Variants in PDE3B observed in about 807,000 individuals in gnomAD.
The protein encoded by PDE3B is cGMP-inhibited 3',5'-cyclic phosphodiesterase 3B.
Under a neutral mutation model 116.8 loss-of-function variants are expected in PDE3B, and 66 were observed. The observed-to-expected ratio is 0.56, with a 90% CI of 0.46 to 0.69. PDE3B has a LOEUF of 0.69. Ranked by LOEUF, PDE3B falls within the 30% of genes least tolerant of loss-of-function variation. PDE3B has a pLI of 0.00. For missense variants in PDE3B, 1,384 were observed against 1,368.1 expected, an observed-to-expected ratio of 1.01 and a Z score of -0.18; for synonymous variants, 595 against 533.6, an observed-to-expected ratio of 1.12 and a Z score of -1.59.
In PDE3B at chr11:14,869,610, C is replaced by T. The variant is rs1434701588; in HGVS notation, c.3289C>T (p.Pro1097Ser). ...NKLQVENSSL[P>S]QADEIQVIEE... is the part of the protein sequence containing the mutation. ...ACTGCAGGTGGAGAATTCCTCCTTA[C>T]CTCAAGCAGATGAGATTCAGGTAAT... is the stretch of plus-strand genomic sequence containing the variant. Residue 1097 changes from proline to serine, a missense_variant, in exon 16 of 16, where the codon CCT (proline) becomes TCT (serine). Pro to Ser is a moderately conservative substitution (Grantham distance 74). This residue lies in a region of PDE3B where 428 missense variants were observed against 561.4 expected (regional missense o/e 0.76). Transcript: ENST00000282096. 2.5e-6 allele frequency: 4 copies of T among 1,613,800 alleles called. No homozygotes were observed. The highest frequency in any genetic ancestry group is 1.1e-5 in the South Asian group (1 of 91,044).
chr11:14,781,638 T>C (rs1354627971), intron 2 of PDE3B, among the ~76,000 whole-genome samples: 1 of 152,080 alleles, frequency 6.6e-6, no homozygotes, highest in African/African-American at 2.4e-5. Context: ...TCTCAATAAA[T>C]TAGGTATTGA....
intron 1 of PDE3B, among the ~76,000 whole-genome samples, chr11:14,729,543 A>G (rs895637712): frequency 6.6e-6 from 1 of 152,216 alleles, no homozygotes; most frequent in Admixed American, 6.5e-5. Flanking sequence ...GAAATTAGCT[A>G]CTACAAATAA....
At chr11:14,889,973 C>G in the PDE3B span, among the ~76,000 whole-genome samples, 11 of 151,768 alleles carry the variant, frequency 7.2e-5, no homozygotes, top group African/African-American at 2.4e-4. Flanking sequence ...CTAAAAATTA[C>G]AAAAAATTAG....
chr11:14,738,683 A>G (rs944117806), intron 1 of PDE3B, among the ~76,000 whole-genome samples: 3 of 152,328 alleles, frequency 2.0e-5, no homozygotes, highest in Admixed American at 6.5e-5. Flanking sequence ...GCCCATGCCT[A>G]TGTCCTGAAT....
At chr11:14,725,536 T>C (rs961892906) in intron 1 of PDE3B, among the ~76,000 whole-genome samples, 1 of 49,154 alleles carries the variant, frequency 2.0e-5, no homozygotes, top group Non-Finnish European at 3.8e-5. Context: ...TCCCTTCCCC[T>C]CCCCTCCCCT....
At chr11:14,671,362 T>A (rs984581519) in intron 1 of PDE3B, among the ~76,000 whole-genome samples, 2 of 152,086 alleles carry the variant, frequency 1.3e-5, no homozygotes, top group African/African-American at 4.8e-5. Context: ...GGAAGCACAC[T>A]CTAGGCAGAA....
At chr11:14,892,340 G>C in the PDE3B span, 2 of 817,786 alleles carry the variant, frequency 2.4e-6, no homozygotes, top group Non-Finnish European at 3.9e-6. Flanking sequence ...CTGAGTGAGC[G>C]CTCAGGCCCC....
intron 1 of PDE3B, among the ~76,000 whole-genome samples, chr11:14,692,928 G>T (rs1855087621): frequency 6.6e-6 from 1 of 152,174 alleles, no homozygotes; most frequent in Non-Finnish European, 1.5e-5. Flanking sequence ...CAAAATGCTA[G>T]GCTTCTTGAG....
intron 1 of PDE3B, among the ~76,000 whole-genome samples, chr11:14,715,068 TTGTA>T (rs1042111228): frequency 6.6e-6 from 1 of 152,078 alleles, no homozygotes; most frequent in African/African-American, 2.4e-5. Flanking sequence ...CAAATAAAGA[TTGTA>T]TGTGAATGAT....
intron 12 of PDE3B, among the ~76,000 whole-genome samples, chr11:14,847,035 A>G (rs1240904896): frequency 6.6e-6 from 1 of 152,228 alleles, no homozygotes; most frequent in African/African-American, 2.4e-5. Context: ...AACAGAATAT[A>G]CATTTTTTTC....
chr11:14,804,940 C>CT (rs1423582864), intron 5 of PDE3B, among the ~76,000 whole-genome samples: 1 of 151,964 alleles, frequency 6.6e-6, no homozygotes, highest in Non-Finnish European at 1.5e-5. Context: ...AAGTAGTGAA[C>CT]TTGAAGACAG....
At chr11:14,861,135 A>G (rs1847942114) in intron 13 of PDE3B, 70 bp from the exon 14 acceptor site, 1 of 1,216,920 alleles carries the variant, frequency 8.2e-7, no homozygotes, top group Non-Finnish European at 1.2e-6. Flanking sequence ...ATAATTTGGT[A>G]AAAGCAAACA....
intron 1 of PDE3B, chr11:14,674,684 C>G (rs964729438): frequency 4.8e-6 from 1 of 209,856 alleles, no homozygotes; most frequent in African/African-American, 2.4e-5. Context: ...ATGAGGGTAA[C>G]AACTAATTAA....
In PDE3B at chr11:14,644,175, A is replaced by T. The variant is rs749764889; in HGVS notation, c.100A>T (p.Ser34Cys). ...GAGTCTGAGGAACGGCTACGTGAAGAGCTGCGTGAGCCCCTTGCGGCAGGA... is the reference window on the plus strand; with the variant it reads ...GAGTCTGAGGAACGGCTACGTGAAGTGCTGCGTGAGCCCCTTGCGGCAGGA... ...PESLRNGYVK[S>C]CVSPLRQDPP... Residue 34 changes from serine (S) to cysteine (C), a missense_variant, in exon 1 of 16, where the codon AGC (serine) becomes TGC (cysteine). Around this residue, in one of 2 missense-constraint regions of PDE3B, gnomAD observed 956 missense variants for 806.8 expected, o/e 1.18. Coordinates refer to ENST00000282096, the MANE Select transcript of PDE3B (RefSeq NM_000922.4). 6.3e-7 allele frequency: 1 copy of T among 1,595,766 alleles called. No homozygotes were observed. Among genetic ancestry groups the T allele is most frequent in the Non-Finnish European group, 8.5e-7 (1 of 1,177,634 alleles).
At chr11:14,880,742 C>G in the PDE3B span, 2 of 1,608,504 alleles carry the variant, frequency 1.2e-6, no homozygotes, top group South Asian at 2.2e-5. Flanking sequence ...TCAACCCATC[C>G]TCGGCCATAT....
intron 2 of PDE3B, chr11:14,772,621 T>A (rs1456763394): frequency 6.6e-6 from 1 of 151,996 alleles, no homozygotes; most frequent in Non-Finnish European, 1.5e-5. Flanking sequence ...TAACTAGTTT[T>A]GCTAATTTTT....
At chr11:14,824,287 G>A (rs1294049926) in intron 7 of PDE3B, among the ~76,000 whole-genome samples, 1 of 152,192 alleles carries the variant, frequency 6.6e-6, no homozygotes, top group Non-Finnish European at 1.5e-5. Context: ...TTCTTAACCA[G>A]GCTGAGCTGG....
intron 1 of PDE3B, among the ~76,000 whole-genome samples, chr11:14,659,711 C>G (rs947247479): frequency 1.3e-5 from 2 of 152,150 alleles, no homozygotes; most frequent in African/African-American, 4.8e-5. Flanking sequence ...CATGTGTTCT[C>G]ATCAAGTACA....
intron 12 of PDE3B, among the ~76,000 whole-genome samples, chr11:14,854,861 A>G (rs1555005921): frequency 6.6e-6 from 1 of 152,194 alleles, no homozygotes; most frequent in South Asian, 2.1e-4. Context: ...ATCATCAGCC[A>G]TGGCATTAAT....
Sources: allele counts gnomAD v4.1 joint callset (sites outside exome capture counted in the v4.1 genomes callset), GRCh38; gene constraint gnomAD v4.1.1; regional missense constraint gnomAD v4.1.1; transcripts MANE v1.5; gene names NCBI Gene and HGNC (gene_info 2026-07-23, HGNC 2026-07-21).